KIRREL1: variants seen among roughly 807,000 people sequenced by gnomAD.
KIRREL1 encodes kirre like nephrin family adhesion molecule 1, also known as kin of IRRE-like protein 1.
In KIRREL1, 25 loss-of-function variants were observed where a neutral mutation model predicts 83.3. That is an observed-to-expected ratio of 0.30 (90% CI 0.22 to 0.42). The LOEUF (loss-of-function observed/expected upper bound fraction) is 0.42, where lower values mean the gene tolerates loss of function less well. Among genes scored for constraint, KIRREL1 ranks in the 10% least tolerant of loss-of-function variants. The pLI is 1.00. For synonymous variants in KIRREL1, 388 were observed against 410.4 expected (o/e 0.95, Z 0.66); for missense variants, 812 against 1,032.3 (o/e 0.79, Z 2.92).
At chr1:158,031,336 C>CG (rs1282323798) in intron 1 of KIRREL1, among the ~76,000 whole-genome samples, 2 of 150,396 alleles carry the variant, frequency 1.3e-5, no homozygotes, top group African/African-American at 4.9e-5. Context: ...AACACACACA[C>CG]GCGCGTGCAC....
Position 158,076,170 on chromosome 1 carries a change from G to A in KIRREL1, c.110G>A (p.Arg37Gln), listed in dbSNP as rs371294912. The change falls in exon 2 of 15, where the codon CGG becomes CAG. Residue 37 changes from arginine (R) to glutamine (Q), a missense_variant. By Grantham distance (43) the Arg-to-Gln change is conservative (BLOSUM62 1). Around this residue, in one of 3 missense-constraint regions of KIRREL1, gnomAD observed 472 missense variants for 626.8 expected, o/e 0.75. Transcript: ENST00000359209. ...PADQTVVAGQ[R>Q]AVLPCVLLNY... is the part of the protein sequence containing the mutation. ...GACCAGACGGTGGTGGCTGGACAGC[G>A]GGCCGTGCTCCCCTGTGTGCTGCTC... is the stretch of plus-strand genomic sequence containing the variant. 5.1e-5 allele frequency: 82 copies of A among 1,614,130 alleles called. No homozygotes were observed. The highest frequency in any genetic ancestry group is 1.6e-4 in the Middle Eastern group (1 of 6,062).
chr1:158,039,468 G>A (rs1232700263), intron 1 of KIRREL1, among the ~76,000 whole-genome samples: 2 of 152,194 alleles, frequency 1.3e-5, no homozygotes, highest in Admixed American at 1.3e-4. Context: ...CGAGTCTCAA[G>A]CTGGAGGACA....
In KIRREL1 at chr1:158,058,561, A is replaced by T. The variant is rs565173088; in HGVS notation, c.53-17552A>T. 8.6e-5 allele frequency among the ~76,000 whole-genome samples: 13 copies of T among 151,756 alleles called. No homozygotes were observed. In the South Asian group the frequency reaches 2.7e-3, roughly 32 times the overall value. ...CAGCCAGCCAGAAGCAATGGGTCTC[A>T]CCCAGGGTTAGGAATTCTGACACCT... On this transcript the variant is annotated intron_variant, in intron 1 of 14. Coordinates refer to ENST00000359209, the MANE Select transcript of KIRREL1 (RefSeq NM_018240.7).
At position 158,084,418 on chromosome 1, in the gene KIRREL1, A is replaced by C. The variant is rs997606621; in HGVS notation, c.353-4A>C. The stretch of plus-strand genomic sequence containing the variant: ...CACTGACTTTGCTCTGCTTTCTCCC[A>C]CAGTCCCCCCAGAGGACACCAGGAT... On this transcript the variant is annotated splice_polypyrimidine_tract_variant and splice_region_variant and intron_variant, in intron 3 of 14. Coordinates refer to ENST00000359209, the MANE Select transcript of KIRREL1 (RefSeq NM_018240.7). 11 of 1,548,928 alleles carry C rather than the reference A, an allele frequency of 7.1e-6. No individual in the cohort carries two copies. Among genetic ancestry groups the C allele is most frequent in the Non-Finnish European group, 8.7e-6 (10 of 1,145,330 alleles).
chr1:158,044,473 A>G (rs1256496127), intron 1 of KIRREL1, among the ~76,000 whole-genome samples: 1 of 152,126 alleles, frequency 6.6e-6, no homozygotes, highest in African/African-American at 2.4e-5. Context: ...ATGTTTTTAA[A>G]GTATTAGGCA....
chr1:158,055,330 C>T (rs1301062282), intron 1 of KIRREL1, among the ~76,000 whole-genome samples: 1 of 152,150 alleles, frequency 6.6e-6, no homozygotes, highest in African/African-American at 2.4e-5. Flanking sequence ...TTTGGTCCCT[C>T]TGGCCCCCTC....
intron 1 of KIRREL1, among the ~76,000 whole-genome samples, chr1:157,998,668 A>AG (rs1659269476): frequency 6.6e-6 from 1 of 152,184 alleles, no homozygotes; most frequent in African/African-American, 2.4e-5. Flanking sequence ...GATCTCCCCA[A>AG]GTGTCAGCTT....
chr1:158,078,413 T>C (rs1661749725), intron 3 of KIRREL1, among the ~76,000 whole-genome samples: 1 of 152,158 alleles, frequency 6.6e-6, no homozygotes, highest in Non-Finnish European at 1.5e-5. Context: ...TTCTGCCTTT[T>C]AGAAACAAGG....
At chr1:158,022,298 T>C (rs1257952761) in intron 1 of KIRREL1, among the ~76,000 whole-genome samples, 1 of 152,198 alleles carries the variant, frequency 6.6e-6, no homozygotes, top group Admixed American at 6.5e-5. Context: ...CTCAGAATTA[T>C]TTCTATTTGA....
chr1:158,090,113 A>C lies in KIRREL1; in HGVS notation c.1272+295A>C, dbSNP rs142606105. ...TGCTGTGAGAAGTCATGGCAGCAAC[A>C]GGTGTGAGATGCCTAGGCCAGCACT... is the stretch of plus-strand genomic sequence containing the variant. On this transcript the variant is annotated intron_variant, in intron 10 of 14. Transcript: ENST00000359209. Among the ~76,000 whole-genome samples the C allele has an allele frequency of 8.4e-4, 128 of 152,278 alleles. 1 individual carries two copies. Among genetic ancestry groups the C allele is most frequent in the South Asian group, 3.1e-3 (15 of 4,826 alleles).
intron 1 of KIRREL1, among the ~76,000 whole-genome samples, chr1:158,017,547 G>A (rs1162268627): frequency 6.6e-6 from 1 of 151,930 alleles, no homozygotes; most frequent in Non-Finnish European, 1.5e-5. Flanking sequence ...ATACAAATTA[G>A]CTAGGCATGG....
chr1:158,073,759 G>A (rs748753022), intron 1 of KIRREL1, among the ~76,000 whole-genome samples: 1 of 152,214 alleles, frequency 6.6e-6, no homozygotes, highest in Admixed American at 6.5e-5. Flanking sequence ...CAAGACCCCC[G>A]TTTCCTGATT....
intron 1 of KIRREL1, among the ~76,000 whole-genome samples, chr1:158,056,562 G>C (rs1280738526): frequency 1.3e-5 from 2 of 152,178 alleles, no homozygotes; most frequent in Non-Finnish European, 2.9e-5. Flanking sequence ...CCTGCCCCAG[G>C]TGTGTGCCTA....
chr1:158,099,716 T>A lies in KIRREL1; in HGVS notation c.*4596T>A, dbSNP rs143887430. The stretch of plus-strand genomic sequence containing the variant: ...GCCAGTCTGCTGTCCCTACCCTGGT[T>A]TTTTGCTGGCCCCAACCACTGGCCT... On this transcript the variant is annotated 3_prime_UTR_variant, in exon 15 of 15. Coordinates refer to ENST00000359209, the MANE Select transcript of KIRREL1 (RefSeq NM_018240.7). 2.0e-5 allele frequency: 3 copies of A among 152,234 alleles called. No homozygotes were observed. In the East Asian group the frequency reaches 5.8e-4, roughly 29 times the overall value. 9.4% of individuals were successfully genotyped at this position (152,234 alleles called of 1,614,324 possible). A position where few individuals can be genotyped will look rare whatever the true frequency, so the allele number is the denominator to read the frequency against.
chr1:158,051,769 C>T (rs1259055277), intron 1 of KIRREL1, among the ~76,000 whole-genome samples: 1 of 152,172 alleles, frequency 6.6e-6, no homozygotes, highest in African/African-American at 2.4e-5. Context: ...GGATGGCCAC[C>T]AGGCCACTTG....
chr1:158,052,748 T>G (rs1287489162), intron 1 of KIRREL1, among the ~76,000 whole-genome samples: 1 of 152,074 alleles, frequency 6.6e-6, no homozygotes, highest in Non-Finnish European at 1.5e-5. Context: ...ATAGCGCCAC[T>G]GCACTCCAGC....
Position 158,088,302 on chromosome 1 carries a change from C to T in KIRREL1, c.917-25C>T, listed in dbSNP as rs543573726. On this transcript the variant is annotated intron_variant, in intron 7 of 14. Coordinates refer to ENST00000359209, the MANE Select transcript of KIRREL1 (RefSeq NM_018240.7). ...TAACCCCATGAGCTTGAGACCCTAA[C>T]GAGTGGCTTCTTTCTCCCTCACAGT... 3.3e-5 allele frequency: 53 copies of T among 1,602,006 alleles called. No individual in the cohort carries two copies. In the East Asian group the frequency reaches 9.6e-4, roughly 29 times the overall value.
chr1:158,053,141 C>G (rs1415790110), intron 1 of KIRREL1, among the ~76,000 whole-genome samples: 1 of 152,170 alleles, frequency 6.6e-6, no homozygotes, highest in Non-Finnish European at 1.5e-5. Context: ...CAAACCATAT[C>G]ACACCTATAA....
At chr1:158,013,678 C>T (rs1659748526) in intron 1 of KIRREL1, among the ~76,000 whole-genome samples, 1 of 152,216 alleles carries the variant, frequency 6.6e-6, no homozygotes, top group Non-Finnish European at 1.5e-5. Context: ...GCCACAAGTT[C>T]CACCTTAGTC....
Sources: gnomAD v4.1 joint callset for allele counts (sites outside exome capture counted in the v4.1 genomes callset) on GRCh38, gnomAD v4.1.1 for gene constraint, gnomAD v4.1.1 regional missense constraint, MANE v1.5 for transcripts, NCBI Gene and HGNC (gene_info 2026-07-23, HGNC 2026-07-21) for gene names.